The following MYRF variants were observed in gnomAD, a reference collection of about 807,000 sequenced individuals.
MYRF encodes the protein myelin regulatory factor.
In MYRF, 16 loss-of-function variants were observed where a neutral mutation model predicts 126.3. The ratio of observed to expected loss-of-function variants is 0.13; its 90% CI spans 0.09 to 0.19. The LOEUF (loss-of-function observed/expected upper bound fraction) is 0.19, where lower values mean the gene tolerates loss of function less well. MYRF is among the 10% of genes least tolerant of loss of function. The pLI is 1.00. For synonymous variants in MYRF, 608 were observed against 635.3 expected (o/e 0.96, Z 0.65); for missense variants, 1,104 against 1,547.0 (o/e 0.71, Z 4.80).
chr11:61,779,939 TC>T lies in MYRF; in HGVS notation c.2336+13del. On this transcript the variant is annotated intron_variant, in intron 17 of 26. Coordinates refer to ENST00000278836, the MANE Select transcript of MYRF (RefSeq NM_001127392.3). ...GTGGTCATGGCCTTCAGGTGACTTG[TC>T]CCCTGGGCTCTCATGGTGGCTGACT... The T allele has an allele frequency of 1.9e-6, 3 of 1,611,692 alleles. No homozygotes were observed. Among genetic ancestry groups the T allele is most frequent in the Non-Finnish European group, 2.5e-6 (3 of 1,178,440 alleles).
chr11:61,759,559 C>G (rs186681486), intron 1 of MYRF, among the ~76,000 whole-genome samples: 214 of 152,136 alleles, frequency 1.4e-3, no homozygotes, highest in Middle Eastern at 3.4e-3. Context: ...AGTCCCAGCT[C>G]CTTGGGAGGC....
chr11:61,753,101 C>G (rs1385758563), intron 1 of MYRF, among the ~76,000 whole-genome samples: 3 of 152,232 alleles, frequency 2.0e-5, no homozygotes, highest in African/African-American at 4.8e-5. Flanking sequence ...GTGACACTCT[C>G]GCCCCCAGCA....
chr11:61,766,398 G>A (rs767275607), intron 3 of MYRF, 177 bp downstream of exon 3: 16 of 638,598 alleles, frequency 2.5e-5, no homozygotes, highest in Non-Finnish European at 3.5e-5. Context: ...GGGGACTCCT[G>A]GGCTTTGTTC....
chr11:61,772,075 G>A, intron 7 of MYRF, 123 bp downstream of exon 7: 1 of 1,401,996 alleles, frequency 7.1e-7, no homozygotes, highest in South Asian at 1.4e-5. Context: ...AGAGCAAACA[G>A]GCTCAGGGAA....
chr11:61,771,448 G>A (rs1465283005), intron 5 of MYRF, 52 bp from the exon 6 acceptor site: 18 of 1,577,766 alleles, frequency 1.1e-5, no homozygotes, highest in South Asian at 1.1e-4. Context: ...CTACCCAGTG[G>A]GAGGGGCTCG....
At position 61,778,879 on chromosome 11, in the gene MYRF, G is replaced by T. The variant is rs1053467266; in HGVS notation, c.2014-384G>T. On this transcript the variant is annotated intron_variant, in intron 14 of 26. Transcript: ENST00000278836. The surrounding 1 kb of genome is among the most constrained non-coding windows in gnomAD (Gnocchi z 4.6). ...TGTCCTGAGTCTGGGCGCCAAGGAG[G>T]CATGTAATAGGTCTCCACCCCAGCT... is the stretch of plus-strand genomic sequence containing the variant. 1 of 553,804 alleles carries T rather than the reference G, an allele frequency of 1.8e-6. No homozygotes were observed. Among genetic ancestry groups the T allele is most frequent in the African/African-American group, 1.9e-5 (1 of 53,708 alleles). 34.3% of individuals were successfully genotyped at this position (553,804 alleles called of 1,614,324 possible).
chr11:61,777,554 G>GA lies in MYRF; in HGVS notation c.1791+93dup. 6.8e-7 allele frequency: 1 copy of GA among 1,465,848 alleles called. No homozygotes were observed. Among genetic ancestry groups the GA allele is most frequent in the Non-Finnish European group, 9.2e-7 (1 of 1,082,184 alleles). The allele number at this position is 1,465,848 out of a possible 1,614,324, so 90.8% of individuals were successfully genotyped here. ...CCTGGGGAGGGGGCGTGACTACGCG[G>GA]AAAGGCGGAGCTGCGGGGGAAGGAA... On this transcript the variant is annotated intron_variant, in intron 12 of 26. Coordinates refer to ENST00000278836, the MANE Select transcript of MYRF (RefSeq NM_001127392.3). The surrounding 1 kb of genome is among the most constrained non-coding windows in gnomAD (Gnocchi z 8.8).
At chr11:61,782,008 C>A in intron 22 of MYRF, 184 bp downstream of exon 22, 1 of 594,646 alleles carries the variant, frequency 1.7e-6, no homozygotes, top group Non-Finnish European at 2.7e-6. Context: ...ATTTAGTCCT[C>A]ACAGCACTCC....
In MYRF at chr11:61,788,451, A is replaced by G. The variant is rs933641669; in HGVS notation, c.*2308A>G. 6.6e-6 allele frequency: 1 copy of G among 152,302 alleles called. No homozygotes were observed. The highest frequency in any genetic ancestry group is 6.5e-5 in the Admixed American group (1 of 15,276). 9.4% of individuals were successfully genotyped at this position (152,302 alleles called of 1,614,324 possible). ...CGGGCCTGCTTGCTTCCTGTCCCCG[A>G]AATGTTCGTTTCTTCTGAAGTAAAT... On this transcript the variant is annotated 3_prime_UTR_variant, in exon 27 of 27. Coordinates refer to ENST00000278836, the MANE Select transcript of MYRF (RefSeq NM_001127392.3).
At position 61,765,114 on chromosome 11, in the gene MYRF, C is replaced by T. The variant is rs770793635; in HGVS notation, c.47-511C>T. Among the ~76,000 whole-genome samples the T allele has an allele frequency of 1.3e-3, 202 of 152,340 alleles. 1 individual carries two copies. The highest frequency in any genetic ancestry group is 3.5e-4 in the Non-Finnish European group (24 of 68,006). On this transcript the variant is annotated intron_variant, in intron 1 of 26. Coordinates refer to ENST00000278836, the MANE Select transcript of MYRF (RefSeq NM_001127392.3). ...CACTCAGCCAGGCCTCGTGCTCCTGCGTTCCTGGAGCTGGGCCATCTGGAC... is the reference window on the plus strand; with the variant it reads ...CACTCAGCCAGGCCTCGTGCTCCTGTGTTCCTGGAGCTGGGCCATCTGGAC...
chr11:61,783,362 A>T lies in MYRF; in HGVS notation c.3017-136A>T. ...GAAAGGGTGTAGTGTGATGCTGGCCATTGTGGAGGTCTGGAAAAAAATAAC... is the reference window on the plus strand; with the variant it reads ...GAAAGGGTGTAGTGTGATGCTGGCCTTTGTGGAGGTCTGGAAAAAAATAAC... On this transcript the variant is annotated intron_variant, in intron 22 of 26. Coordinates refer to ENST00000278836, the MANE Select transcript of MYRF (RefSeq NM_001127392.3). This position sits in a 1 kb window ranked among gnomAD's most constrained non-coding sequence, Gnocchi z 4.6. The T allele has an allele frequency of 1.4e-6, 1 of 701,798 alleles. No homozygotes were observed. The highest frequency in any genetic ancestry group is 2.6e-6 in the Non-Finnish European group (1 of 391,364). 43.5% of individuals were successfully genotyped at this position (701,798 alleles called of 1,614,324 possible). A position where few individuals can be genotyped will look rare whatever the true frequency, so the allele number is the denominator to read the frequency against.
intron 8 of MYRF, 109 bp downstream of exon 8, chr11:61,774,271 T>C (rs1181223701): frequency 1.9e-6 from 2 of 1,040,246 alleles, no homozygotes; most frequent in Non-Finnish European, 2.7e-6. Context: ...ACGCCTGTAA[T>C]CCCAGCACTT....
chr11:61,778,792 C>G lies in MYRF; in HGVS notation c.2013+303C>G. 1 of 579,892 alleles carries G rather than the reference C, an allele frequency of 1.7e-6. No individual in the cohort carries two copies. The highest frequency in any genetic ancestry group is 1.5e-5 in the South Asian group (1 of 65,732). The allele number at this position is 579,892 out of a possible 1,614,324, so 35.9% of individuals were successfully genotyped here. On this transcript the variant is annotated intron_variant, in intron 14 of 26. Coordinates refer to ENST00000278836, the MANE Select transcript of MYRF (RefSeq NM_001127392.3). This position sits in a 1 kb window ranked among gnomAD's most constrained non-coding sequence, Gnocchi z 4.6. ...GGTAATAGAACTGCACAGACATCCT[C>G]GTATGGTTACCTCCAGGCTGAAATA...
chr11:61,781,878 C>T, intron 22 of MYRF, 54 bp downstream of exon 22: 1 of 1,481,418 alleles, frequency 6.8e-7, no homozygotes, highest in East Asian at 2.3e-5. Flanking sequence ...GCTCACTGGC[C>T]AGGGCCCACC....
chr11:61,760,620 G>A (rs1389397866), intron 1 of MYRF, among the ~76,000 whole-genome samples: 1 of 152,208 alleles, frequency 6.6e-6, no homozygotes, highest in Non-Finnish European at 1.5e-5. Flanking sequence ...GGGACAGCCT[G>A]GGCGGAGGTG....
chr11:61,770,345 G>GGGGCCCC lies in MYRF; in HGVS notation c.560_561insGGGCCCC (p.Pro188GlyfsTer42). On this transcript the variant is annotated frameshift_variant, in exon 5 of 27. Transcript: ENST00000278836. LOFTEE classifies it high-confidence loss of function. ...CCCCCACCTCCAGCCCACTTGCCAG[G>GGGGCCCC]CCCCCCGCCACCCCCACCACCCCCA... 6.6e-7 allele frequency: 1 copy of GGGGCCCC among 1,504,822 alleles called. No individual in the cohort carries two copies. Among genetic ancestry groups the GGGGCCCC allele is most frequent in the Non-Finnish European group, 9.0e-7 (1 of 1,109,482 alleles). The allele number at this position is 1,504,822 out of a possible 1,614,324, so 93.2% of individuals were successfully genotyped here. A position where few individuals can be genotyped will look rare whatever the true frequency, so the allele number is the denominator to read the frequency against.
chr11:61,774,461 T>G lies in MYRF; in HGVS notation c.1311+299T>G, dbSNP rs1375203453. On this transcript the variant is annotated intron_variant, in intron 8 of 26. Coordinates refer to ENST00000278836, the MANE Select transcript of MYRF (RefSeq NM_001127392.3). ...TCCTTTGAACCCGGGAGGCGGAGGT[T>G]GTAGGGGGCTGAGATCACGCCACTG... Among the ~76,000 whole-genome samples the G allele has an allele frequency of 3.7e-4, 55 of 149,984 alleles. 1 individual carries two copies. The highest frequency in any genetic ancestry group is 4.4e-5 in the Non-Finnish European group (3 of 67,636).
chr11:61,765,516 G>T (rs2066030842), intron 1 of MYRF, 109 bp from the exon 2 acceptor site: 1 of 789,358 alleles, frequency 1.3e-6, no homozygotes, highest in Non-Finnish European at 2.0e-6. Flanking sequence ...AGGAGCAGGG[G>T]CATCTGTTTT....
rs1051922960 is a variant in MYRF at position 61,778,836 on chromosome 11, C to T, written c.2013+347C>T. 7 of 547,432 alleles carry T rather than the reference C, an allele frequency of 1.3e-5. No individual in the cohort carries two copies. Among genetic ancestry groups the T allele is most frequent in the South Asian group, 3.1e-5 (2 of 65,442 alleles). 33.9% of individuals were successfully genotyped at this position (547,432 alleles called of 1,614,324 possible). A position where few individuals can be genotyped will look rare whatever the true frequency, so the allele number is the denominator to read the frequency against. On this transcript the variant is annotated intron_variant, in intron 14 of 26. Transcript: ENST00000278836. This position sits in a 1 kb window ranked among gnomAD's most constrained non-coding sequence, Gnocchi z 4.6. Reference sequence around the variant, plus strand: ...TGAAATACGTGGTTTATTGTGAGGACGACGTTTGTCACTTACCTGTCCTGA... The same window carrying T: ...TGAAATACGTGGTTTATTGTGAGGATGACGTTTGTCACTTACCTGTCCTGA...
Sources: allele counts gnomAD v4.1 joint callset (sites outside exome capture counted in the v4.1 genomes callset), GRCh38; gene constraint gnomAD v4.1.1; non-coding constraint Gnocchi (gnomAD v3.1); transcripts MANE v1.5; gene names NCBI Gene and HGNC (gene_info 2026-07-23, HGNC 2026-07-21).